Variants in STIM2 observed in about 807,000 individuals in gnomAD.
STIM2 encodes the protein stromal interaction molecule 2.
In STIM2, 31 loss-of-function variants were observed where a neutral mutation model predicts 85.8. The observed-to-expected ratio is 0.36, with a 90% CI of 0.27 to 0.49. STIM2 has a LOEUF of 0.49. Among genes scored for constraint, STIM2 ranks in the 20% least tolerant of loss-of-function variants. The pLI, the probability that STIM2 is intolerant of heterozygous loss-of-function variation, is 0.98. For synonymous variants in STIM2, 356 were observed against 331.1 expected (o/e 1.08, Z -0.82); for missense variants, 841 against 927.6 (o/e 0.91, Z 1.21).
chr4:26,870,901 CTTT>C (rs58728231), intron 1 of STIM2, among the ~76,000 whole-genome samples: 2 of 141,230 alleles, frequency 1.4e-5, no homozygotes, highest in Admixed American at 7.2e-5. Context: ...TTAGTGAATC[CTTT>C]TTTTTTTTTT....
chr4:26,971,569 T>C (rs930963478), intron 3 of STIM2, among the ~76,000 whole-genome samples: 1 of 152,220 alleles, frequency 6.6e-6, no homozygotes, highest in African/African-American at 2.4e-5. Context: ...TGTGGTGTTA[T>C]TTCTGAGGCC....
At chr4:26,982,555 C>T (rs775218235) in intron 3 of STIM2, among the ~76,000 whole-genome samples, 5 of 151,940 alleles carry the variant, frequency 3.3e-5, no homozygotes, top group Non-Finnish European at 7.4e-5. Context: ...ATTTTTTGAG[C>T]TCTTCCCTAC....
intron 7 of STIM2, among the ~76,000 whole-genome samples, chr4:27,004,822 C>A (rs182266556): frequency 1.3e-5 from 2 of 152,258 alleles, no homozygotes; most frequent in African/African-American, 2.4e-5. Flanking sequence ...CTGGCATGAT[C>A]GTATTAATAA....
chr4:26,987,519 T>C (rs531185561), intron 3 of STIM2, among the ~76,000 whole-genome samples: 1 of 152,310 alleles, frequency 6.6e-6, no homozygotes, highest in East Asian at 1.9e-4. Context: ...TCCTGGAATT[T>C]CGATTCCATA....
Position 26,861,615 on chromosome 4 carries a change from C to T in STIM2, c.151+246C>T, listed in dbSNP as rs192370809. 15 of 411,160 alleles carry T rather than the reference C, an allele frequency of 3.6e-5. No individual in the cohort carries two copies. In the East Asian group the frequency reaches 4.5e-4, roughly 12 times the overall value. The allele number at this position is 411,160 out of a possible 1,614,324, so 25.5% of individuals were successfully genotyped here. ...TTCCCCTCCCTTCAGTCGGGCTCTC[C>T]GATCTTCCAAGCTGAGCAATGCGGT... is the stretch of plus-strand genomic sequence containing the variant. On this transcript the variant is annotated intron_variant, in intron 1 of 11. Coordinates refer to ENST00000467087, the MANE Select transcript of STIM2 (RefSeq NM_020860.4).
At chr4:26,983,552 C>T (rs908561598) in intron 3 of STIM2, among the ~76,000 whole-genome samples, 1 of 152,116 alleles carries the variant, frequency 6.6e-6, no homozygotes, top group Non-Finnish European at 1.5e-5. Context: ...TTTCTGAGTA[C>T]AGTTGCCTTG....
intron 1 of STIM2, among the ~76,000 whole-genome samples, chr4:26,905,841 G>GA (rs1306228889): frequency 6.6e-6 from 1 of 152,024 alleles, no homozygotes; most frequent in Non-Finnish European, 1.5e-5. Flanking sequence ...TTCACACAGA[G>GA]AAAATAGCAT....
At chr4:27,016,687 G>T (rs1310298856) in intron 10 of STIM2, among the ~76,000 whole-genome samples, 3 of 152,142 alleles carry the variant, frequency 2.0e-5, no homozygotes, top group Non-Finnish European at 4.4e-5. Context: ...GAGGAATGTA[G>T]CCCTTCTAGG....
chr4:26,934,624 T>C (rs1238754712), intron 2 of STIM2, among the ~76,000 whole-genome samples: 1 of 152,130 alleles, frequency 6.6e-6, no homozygotes, highest in East Asian at 1.9e-4. Flanking sequence ...AATATAAGAA[T>C]AGAACAAGGC....
intron 2 of STIM2, among the ~76,000 whole-genome samples, chr4:26,951,329 C>T (rs971888433): frequency 1.3e-5 from 2 of 152,110 alleles, no homozygotes; most frequent in African/African-American, 2.4e-5. Flanking sequence ...CACAGATGTA[C>T]GAATGTGCCA....
chr4:26,880,225 C>T (rs750234150), intron 1 of STIM2, among the ~76,000 whole-genome samples: 2 of 152,096 alleles, frequency 1.3e-5, no homozygotes, highest in Non-Finnish European at 1.5e-5. Flanking sequence ...TGTTTCTGGG[C>T]CCTGGCGCTT....
At chr4:26,979,487 G>C (rs1727305743) in intron 3 of STIM2, among the ~76,000 whole-genome samples, 1 of 152,122 alleles carries the variant, frequency 6.6e-6, no homozygotes. Context: ...AACGTGGAAG[G>C]TTTTTGCAGT....
intron 1 of STIM2, among the ~76,000 whole-genome samples, chr4:26,899,011 C>T (rs1723818968): frequency 6.6e-6 from 1 of 151,426 alleles, no homozygotes; most frequent in Admixed American, 6.6e-5. Flanking sequence ...TAGAATAGAA[C>T]CTTAGTAAAT....
chr4:26,960,361 TTGTGTGTA>T lies in STIM2; in HGVS notation c.397+2647_397+2654del, dbSNP rs779709497. Among the ~76,000 whole-genome samples the T allele has an allele frequency of 6.2e-3, 946 of 152,032 alleles. 5 individuals are homozygous for T. The highest frequency in any genetic ancestry group is 0.01 in the Middle Eastern group (3 of 294). ...GTATTTATACAGAAAGTGTGTATGT[TTGTGTGTA>T]TGTGTGTATGTATATATATGTATAT... On this transcript the variant is annotated intron_variant, in intron 3 of 11. Transcript: ENST00000467087.
intron 6 of STIM2, among the ~76,000 whole-genome samples, 160 bp downstream of exon 6, chr4:27,002,554 T>G (rs1420280768): frequency 6.6e-6 from 1 of 152,262 alleles, no homozygotes; most frequent in Non-Finnish European, 1.5e-5. Flanking sequence ...CTTTTATAAT[T>G]ACAGATTTAT....
At chr4:26,907,700 C>CAAACA (rs374835569) in intron 1 of STIM2, among the ~76,000 whole-genome samples, 134 of 152,184 alleles carry the variant, frequency 8.8e-4, no homozygotes, top group East Asian at 1.5e-3. Context: ...TCCTCCTCCC[C>CAAACA]AAACAAAACA....
intron 1 of STIM2, among the ~76,000 whole-genome samples, chr4:26,905,433 C>G (rs565375678): frequency 1.2e-4 from 19 of 152,186 alleles, no homozygotes; most frequent in African/African-American, 4.6e-4. Context: ...GTAATCTATG[C>G]AAGAGGTGTT....
chr4:26,940,255 A>C (rs1263423384), intron 2 of STIM2, among the ~76,000 whole-genome samples: 1 of 152,108 alleles, frequency 6.6e-6, no homozygotes, highest in Non-Finnish European at 1.5e-5. Context: ...CTCCACCATA[A>C]GTGTGTATGT....
intron 2 of STIM2, among the ~76,000 whole-genome samples, chr4:26,937,015 T>C (rs952321259): frequency 1.3e-5 from 2 of 152,080 alleles, no homozygotes; most frequent in African/African-American, 4.8e-5. Context: ...CTGGAACTTC[T>C]GGGCTCAAGC....
Sources: allele counts gnomAD v4.1 joint callset (sites outside exome capture counted in the v4.1 genomes callset), GRCh38; gene constraint gnomAD v4.1.1; transcripts MANE v1.5; gene names NCBI Gene and HGNC (gene_info 2026-07-23, HGNC 2026-07-21).